The following MROH1 variants were observed in gnomAD, a reference collection of about 807,000 sequenced individuals.
MROH1 encodes maestro heat like repeat family member 1, also known as maestro heat-like repeat-containing protein family member 1.
In MROH1, 117 loss-of-function variants were observed where a neutral mutation model predicts 116.5. The ratio of observed to expected loss-of-function variants is 1.00; its 90% CI spans 0.86 to 1.17. The LOEUF (loss-of-function observed/expected upper bound fraction) is 1.17. MROH1 is among the 50% of genes most tolerant of loss of function. The probability of loss-of-function intolerance (pLI) is 0.00; values close to 1 mark genes in which losing one functional copy is unlikely to be tolerated. For missense variants in MROH1, 1,873 were observed against 1,338.5 expected (o/e 1.40, Z -6.23); for synonymous variants, 921 against 583.9 (o/e 1.58, Z -8.32).
intron 10 of MROH1, among the ~76,000 whole-genome samples, chr8:144,196,820 G>A (rs748495324): frequency 1.3e-5 from 2 of 151,296 alleles, no homozygotes; most frequent in Admixed American, 6.6e-5. Flanking sequence ...CATCTAGGCC[G>A]GTGCGGTGGC....
At chr8:144,218,860 G>A (rs1442313508) in intron 12 of MROH1, among the ~76,000 whole-genome samples, 3 of 50,376 alleles carry the variant, frequency 6.0e-5, no homozygotes, top group Non-Finnish European at 1.1e-4. Context: ...GTTTTGACAG[G>A]ATCTTGCTCT....
intron 19 of MROH1, 39 bp from the exon 20 acceptor site, chr8:144,240,531 G>T (rs1840794296): frequency 2.8e-6 from 2 of 713,950 alleles, no homozygotes; most frequent in Non-Finnish European, 5.2e-6. Context: ...CCTGTGAGGG[G>T]TCGGGCTCCC....
rs1841159092 is a variant in MROH1, at chr8:144,242,370, A to T, written c.2180A>T (p.Asp727Val). ...CCGCTGGTTCCTCTGGCCTCTCAGG[A>T]TCGAAGTGAGAACGAAGTGGAGAAG... ...KSIGILNIFK[D>V]RSENEVEKVK... is the part of the protein sequence containing the mutation. The change falls in exon 23 of 44, where the codon GAT becomes GTT. Residue 727 changes from aspartate (D) to valine (V), a missense_variant and splice_region_variant. By Grantham distance (152) the Asp-to-Val change is radical. Transcript: ENST00000326134. The T allele has an allele frequency of 3.8e-6, 3 of 780,658 alleles. No individual in the cohort carries two copies. Among genetic ancestry groups the T allele is most frequent in the Middle Eastern group, 2.3e-4 (1 of 4,430 alleles). The allele number at this position is 780,658 out of a possible 1,614,324, so 48.4% of individuals were successfully genotyped here.
chr8:144,247,948 G>C (rs1001614377), intron 31 of MROH1, among the ~76,000 whole-genome samples: 38 of 152,342 alleles, frequency 2.5e-4, no homozygotes, highest in Non-Finnish European at 4.6e-4. Context: ...GGAGAGAATG[G>C]GGTGCCATGA....
At chr8:144,212,044 CT>C (rs1198622864) in intron 12 of MROH1, among the ~76,000 whole-genome samples, 2 of 151,090 alleles carry the variant, frequency 1.3e-5, no homozygotes, top group African/African-American at 4.9e-5. Context: ...AAAAATAGCC[CT>C]GGTTCCTTTT....
intron 13 of MROH1, among the ~76,000 whole-genome samples, chr8:144,222,684 G>A (rs1386561186): frequency 2.0e-5 from 3 of 152,064 alleles, no homozygotes; most frequent in Non-Finnish European, 4.4e-5. Flanking sequence ...AGGCATAGGT[G>A]TGGATGTGGG....
chr8:144,193,499 A>G (rs1304500027), intron 10 of MROH1, among the ~76,000 whole-genome samples: 1 of 152,238 alleles, frequency 6.6e-6, no homozygotes, highest in East Asian at 1.9e-4. Context: ...AGAGCCGTAT[A>G]AGGAAATGCA....
chr8:144,177,028 C>T (rs2131249544), intron 4 of MROH1, among the ~76,000 whole-genome samples: 1 of 152,228 alleles, frequency 6.6e-6, no homozygotes, highest in Non-Finnish European at 1.5e-5. Context: ...GAAAATCAAC[C>T]CCAGCTGAAG....
rs377081622 is a variant in MROH1 at position 144,168,386 on chromosome 8, G to A, written c.114G>A (p.Ala38=). 1.7e-5 allele frequency: 28 copies of A among 1,611,446 alleles called. No individual in the cohort carries two copies. The African/African-American group carries it at 2.0e-4, about 12-fold the overall frequency. ...GTGCCCTGTGCTCCCTCGGGGAGGC[G>A]CGGCCGGTGGAGACGCTCCGTGCCT... ...VCSALCSLGE[A]RPVETLRACE... The change falls in exon 4 of 44, where the codon GCG becomes GCA. Residue 38 remains alanine, a synonymous_variant. Coordinates refer to ENST00000326134, the MANE Select transcript of MROH1 (RefSeq NM_032450.3).
intron 31 of MROH1, among the ~76,000 whole-genome samples, chr8:144,248,592 G>C (rs1016415445): frequency 1.2e-3 from 188 of 152,282 alleles, no homozygotes; most frequent in Non-Finnish European, 2.5e-3. Flanking sequence ...TCACTGGTCA[G>C]AAGGAGCCTG....
At chr8:144,171,185 C>A (rs955723034) in intron 4 of MROH1, among the ~76,000 whole-genome samples, 2 of 152,238 alleles carry the variant, frequency 1.3e-5, no homozygotes, top group Admixed American at 1.3e-4. Context: ...ATGCCAGTCG[C>A]AAGCCCCAGG....
At chr8:144,206,974 A>T (rs563190846) in intron 12 of MROH1, among the ~76,000 whole-genome samples, 77 of 150,328 alleles carry the variant, frequency 5.1e-4, no homozygotes, top group African/African-American at 1.8e-3. Context: ...CAGAGGTTGC[A>T]GTGAGCCAAG....
chr8:144,241,223 C>T, intron 21 of MROH1, 112 bp downstream of exon 21: 1 of 697,372 alleles, frequency 1.4e-6, no homozygotes, highest in Non-Finnish European at 2.7e-6. Context: ...TGCGTGTGTG[C>T]ATACACAGGT....
chr8:144,156,962 T>A (rs1326635538), intron 1 of MROH1, among the ~76,000 whole-genome samples: 2 of 151,176 alleles, frequency 1.3e-5, no homozygotes, highest in Admixed American at 1.3e-4. Flanking sequence ...TTTGTATTAG[T>A]ATTATTATTT....
At chr8:144,153,994 T>A (rs1313295746) in intron 1 of MROH1, among the ~76,000 whole-genome samples, 2 of 152,174 alleles carry the variant, frequency 1.3e-5, no homozygotes, top group Non-Finnish European at 2.9e-5. Flanking sequence ...TCTCTTGACC[T>A]CGTGATCCGC....
At chr8:144,174,953 C>A in intron 4 of MROH1, 1 of 985,466 alleles carries the variant, frequency 1.0e-6, no homozygotes, top group South Asian at 4.7e-5. Context: ...TGAGTGGAAT[C>A]TGGAGAACTC....
At position 144,164,769 on chromosome 8, in the gene MROH1, G is replaced by C. The variant is rs146068181; in HGVS notation, c.22+921G>C. Among the ~76,000 whole-genome samples the C allele has an allele frequency of 2.4e-3, 371 of 152,154 alleles. 4 individuals carry two copies. Among genetic ancestry groups the C allele is most frequent in the African/African-American group, 8.3e-3 (346 of 41,494 alleles). ...AAAAAAAAATTAGCAGTTTTCAAAGGCTGTTCAGGCTGCTGTAACAAAATA... is the reference window on the plus strand; with the variant it reads ...AAAAAAAAATTAGCAGTTTTCAAAGCCTGTTCAGGCTGCTGTAACAAAATA... On this transcript the variant is annotated intron_variant, in intron 3 of 43. Coordinates refer to ENST00000326134, the MANE Select transcript of MROH1 (RefSeq NM_032450.3).
At chr8:144,251,071 C>T (rs1413713147) in intron 33 of MROH1, 2 of 160,330 alleles carry the variant, frequency 1.2e-5, no homozygotes, top group Admixed American at 5.6e-5. Flanking sequence ...GCAGAGTGAC[C>T]CTTCCCCTGG....
At chr8:144,198,988 C>T in intron 10 of MROH1, 134 bp from the exon 11 acceptor site, 1 of 764,028 alleles carries the variant, frequency 1.3e-6, no homozygotes, top group Non-Finnish European at 2.2e-6. Flanking sequence ...CCTGGAGCGC[C>T]CGCTGCATGC....
Sources: allele counts gnomAD v4.1 joint callset (sites outside exome capture counted in the v4.1 genomes callset), GRCh38; gene constraint gnomAD v4.1.1; transcripts MANE v1.5; gene names NCBI Gene and HGNC (gene_info 2026-07-23, HGNC 2026-07-21).